Variants in TBL1X observed in about 807,000 individuals in gnomAD.
TBL1X encodes F-box-like/WD repeat-containing protein TBL1X.
TBL1X carries 10 observed loss-of-function variants against 50.7 expected under a neutral mutation model. The observed-to-expected ratio is 0.20, with a 90% confidence interval of 0.12 to 0.33. The LOEUF (loss-of-function observed/expected upper bound fraction) is 0.33, where lower values mean the gene tolerates loss of function less well. TBL1X is among the 10% of genes least tolerant of loss of function. The pLI, the probability that TBL1X is intolerant of heterozygous loss-of-function variation, is 1.00. For missense variants in TBL1X, 340 were observed against 504.4 expected (o/e 0.67, Z 3.12); for synonymous variants, 190 against 214.7 (o/e 0.88, Z 1.01).
intron 7 of TBL1X, among the ~76,000 whole-genome samples, chrX:9,691,079 G>A (rs908936309): frequency 1.3e-4 from 14 of 111,694 alleles, no homozygotes; most frequent in Non-Finnish European, 2.6e-4. Flanking sequence ...TTTAGAGACT[G>A]TCAAAATGTA....
At chrX:9,589,260 C>A (rs189700085) in intron 2 of TBL1X, among the ~76,000 whole-genome samples, 1 of 110,748 alleles carries the variant, frequency 9.0e-6, no homozygotes, top group Non-Finnish European at 1.9e-5. Context: ...GCTTAAAACA[C>A]CAGAAGTATA....
At chrX:9,500,144 G>GT (rs2081992988) in intron 1 of TBL1X, among the ~76,000 whole-genome samples, 1 of 108,372 alleles carries the variant, frequency 9.2e-6, no homozygotes, top group African/African-American at 3.4e-5. Flanking sequence ...AGGCATGGTG[G>GT]TGTATGCCTG....
At chrX:9,698,709 T>A (rs1460250592) in intron 12 of TBL1X, among the ~76,000 whole-genome samples, 1 of 111,912 alleles carries the variant, frequency 8.9e-6, no homozygotes, top group Non-Finnish European at 1.9e-5. Context: ...CGCTTGCGTC[T>A]GTTAGGGGAG....
chrX:9,593,736 C>A (rs1356982725), intron 2 of TBL1X, among the ~76,000 whole-genome samples: 2 of 111,260 alleles, frequency 1.8e-5, no homozygotes, highest in Non-Finnish European at 3.8e-5. Flanking sequence ...GCCCCACTTC[C>A]CCATTTATTT....
chrX:9,678,469 T>C (rs979858128), intron 5 of TBL1X, among the ~76,000 whole-genome samples: 8 of 112,542 alleles, frequency 7.1e-5, no homozygotes, highest in Non-Finnish European at 1.3e-4. Flanking sequence ...TGCAAGCCCA[T>C]GATCTAGGCA....
chrX:9,506,061 C>T (rs767219942), intron 2 of TBL1X, among the ~76,000 whole-genome samples: 38 of 112,397 alleles, frequency 3.4e-4, no homozygotes, highest in African/African-American at 6.8e-4. Context: ...GTAAAACACT[C>T]CTCAGCAAAT....
At chrX:9,690,219 C>T (rs2083088504) in intron 7 of TBL1X, among the ~76,000 whole-genome samples, 1 of 112,383 alleles carries the variant, frequency 8.9e-6, no homozygotes, top group Admixed American at 9.4e-5. Context: ...GTCTCTGTCA[C>T]AGCTGCTGAA....
intron 2 of TBL1X, among the ~76,000 whole-genome samples, chrX:9,568,599 T>C (rs1260112963): frequency 1.9e-5 from 2 of 103,022 alleles, no homozygotes; most frequent in Admixed American, 1.0e-4. Context: ...TGCAGTGTGC[T>C]GTGTGTGTGT....
chrX:9,665,171 T>C (rs965630607), intron 5 of TBL1X, among the ~76,000 whole-genome samples: 47 of 109,250 alleles, frequency 4.3e-4, no homozygotes, highest in African/African-American at 1.4e-3. Flanking sequence ...GTCCTTGTTA[T>C]TATTAAAATT....
At chrX:9,704,704 G>T (rs1213571911) in intron 12 of TBL1X, among the ~76,000 whole-genome samples, 2 of 93,940 alleles carry the variant, frequency 2.1e-5, no homozygotes, top group African/African-American at 8.7e-5. Flanking sequence ...GGGCAATATA[G>T]CAAGAACTCG....
intron 2 of TBL1X, among the ~76,000 whole-genome samples, chrX:9,533,996 C>G (rs180929541): frequency 1.7e-3 from 191 of 111,600 alleles, no homozygotes; most frequent in African/African-American, 5.8e-3. Context: ...CAGTGCTGAG[C>G]TCCGAGGGAG....
chrX:9,640,609 TTTTTG>T (rs746050609), intron 3 of TBL1X, among the ~76,000 whole-genome samples: 84 of 109,713 alleles, frequency 7.7e-4, no homozygotes, highest in African/African-American at 2.3e-3. Flanking sequence ...TTGGGTTGTG[TTTTTG>T]TTTTGTTTTG....
Position 9,718,186 on chromosome X carries a change from C to T in TBL1X, c.*1940C>T, listed in dbSNP as rs1337531643. On this transcript the variant is annotated 3_prime_UTR_variant, in exon 18 of 18. Transcript: ENST00000645353. ...TCTGGTGTGTGTTCCAGCAGTGAGA[C>T]GGTGTTATTGTGAAGGTGGCATTCA... 9.0e-6 allele frequency: 1 copy of T among 110,656 alleles called. No individual in the cohort carries two copies. Among genetic ancestry groups the T allele is most frequent in the Non-Finnish European group, 1.9e-5 (1 of 52,979 alleles). The allele number at this position is 110,656 out of a possible 1,213,427, so 9.1% of individuals were successfully genotyped here.
chrX:9,599,047 G>A (rs1190351977), intron 2 of TBL1X, among the ~76,000 whole-genome samples: 2 of 109,532 alleles, frequency 1.8e-5, no homozygotes, highest in Non-Finnish European at 3.8e-5. Flanking sequence ...GGGTTCAAGC[G>A]ATTCTTCTGC....
At chrX:9,644,307 C>G (rs1248747175) in intron 3 of TBL1X, among the ~76,000 whole-genome samples, 1 of 112,072 alleles carries the variant, frequency 8.9e-6, no homozygotes, top group African/African-American at 3.2e-5. Flanking sequence ...GCTCCTGCTC[C>G]GTGGAAGCAG....
chrX:9,651,094 C>T (rs1464119615), intron 3 of TBL1X, among the ~76,000 whole-genome samples: 1 of 93,714 alleles, frequency 1.1e-5, no homozygotes, highest in Non-Finnish European at 2.1e-5. Context: ...CAGTGGTGAT[C>T]GCGGCTCACT....
Position 9,699,928 on chromosome X carries a change from C to T in TBL1X, c.1114+2499C>T, listed in dbSNP as rs140938679. Among the ~76,000 whole-genome samples, 308 of 111,804 alleles carry T rather than the reference C, an allele frequency of 2.8e-3. 5 individuals are homozygous for T. Among genetic ancestry groups the T allele is most frequent in the Admixed American group, 0.027 (282 of 10,581 alleles). ...TTAATTGACACTGTTGATGAAGGTGCTGAGCATACGAGAGACAAAAGGCTC... is the reference window on the plus strand; with the variant it reads ...TTAATTGACACTGTTGATGAAGGTGTTGAGCATACGAGAGACAAAAGGCTC... On this transcript the variant is annotated intron_variant, in intron 12 of 17. Coordinates refer to ENST00000645353, the MANE Select transcript of TBL1X (RefSeq NM_005647.4).
intron 2 of TBL1X, among the ~76,000 whole-genome samples, chrX:9,606,253 G>A (rs1601789863): frequency 8.9e-6 from 1 of 111,971 alleles, no homozygotes; most frequent in African/African-American, 3.2e-5. Flanking sequence ...CACGGGGACC[G>A]ACCGTCTGAG....
At chrX:9,587,125 C>T (rs765042326) in intron 2 of TBL1X, among the ~76,000 whole-genome samples, 1 of 112,025 alleles carries the variant, frequency 8.9e-6, no homozygotes, top group African/African-American at 3.2e-5. Flanking sequence ...TGGAAGGTAC[C>T]GAAGGAGCCC....
Sources: gnomAD v4.1 joint callset for allele counts (sites outside exome capture counted in the v4.1 genomes callset) on GRCh38, gnomAD v4.1.1 for gene constraint, MANE v1.5 for transcripts, NCBI Gene and HGNC (gene_info 2026-07-23, HGNC 2026-07-21) for gene names.